Variants in COL23A1 observed in about 807,000 individuals in gnomAD.
COL23A1 encodes collagen type XXIII alpha 1 chain.
COL23A1 carries 97 observed loss-of-function variants against 99.3 expected under a neutral mutation model. That is an observed-to-expected ratio of 0.98 (90% confidence interval 0.83 to 1.16). The LOEUF (loss-of-function observed/expected upper bound fraction) is 1.16. Ranked by LOEUF, COL23A1 falls within the 50% of genes most tolerant of loss-of-function variation. The pLI is 0.00. For synonymous variants in COL23A1, 320 were observed against 308.2 expected, an observed-to-expected ratio of 1.04 and a Z score of -0.40; for missense variants, 762 against 757.4, an observed-to-expected ratio of 1.01 and a Z score of -0.07.
At chr5:178,334,015 C>T (rs1161872792) in intron 2 of COL23A1, among the ~76,000 whole-genome samples, 4 of 152,146 alleles carry the variant, frequency 2.6e-5, no homozygotes, top group Non-Finnish European at 5.9e-5. Context: ...TTTTCCCTTT[C>T]TCCACAGGGG....
intron 2 of COL23A1, among the ~76,000 whole-genome samples, chr5:178,543,939 C>T (rs1027769074): frequency 1.3e-5 from 2 of 152,092 alleles, no homozygotes; most frequent in Admixed American, 1.3e-4. Context: ...GATGCCTTCT[C>T]CCTATAACCT....
rs1256225080 is a variant in COL23A1, at chr5:178,306,944, T to G, written c.362-25A>C. The G allele has an allele frequency of 6.7e-7, 1 of 1,487,904 alleles. No homozygotes were observed. Among genetic ancestry groups the G allele is most frequent in the South Asian group, 1.4e-5 (1 of 73,888 alleles). 92.2% of individuals were successfully genotyped at this position (1,487,904 alleles called of 1,614,324 possible). A position where few individuals can be genotyped will look rare whatever the true frequency, so the allele number is the denominator to read the frequency against. ...CCTAGACAGGAAAACAAGAATGCATTCATTGAGAAGGGAAGCCAGTGGACT... is the reference window on the plus strand; with the variant it reads ...CCTAGACAGGAAAACAAGAATGCATGCATTGAGAAGGGAAGCCAGTGGACT... On this transcript the variant is annotated intron_variant, in intron 2 of 28. Coordinates refer to ENST00000390654, the MANE Select transcript of COL23A1 (RefSeq NM_173465.4). The surrounding 1 kb of genome is among the most constrained non-coding windows in gnomAD (Gnocchi z 4.1).
chr5:178,393,890 G>A (rs1764096599), intron 2 of COL23A1, among the ~76,000 whole-genome samples: 1 of 152,186 alleles, frequency 6.6e-6, no homozygotes, highest in South Asian at 2.1e-4. Flanking sequence ...GCCTCCCAAA[G>A]TGCTGGGATT....
At chr5:178,519,028 C>G (rs1759790743) in intron 2 of COL23A1, among the ~76,000 whole-genome samples, 4 of 151,004 alleles carry the variant, frequency 2.6e-5, no homozygotes, top group Admixed American at 2.6e-4. Flanking sequence ...CCGCACTGCC[C>G]CGGGCCGCAG....
intron 2 of COL23A1, among the ~76,000 whole-genome samples, chr5:178,511,882 A>G (rs1242466014): frequency 6.6e-6 from 1 of 152,166 alleles, no homozygotes. Flanking sequence ...CCACCTACCA[A>G]TTTGGCAAAA....
intron 15 of COL23A1, 77 bp downstream of exon 15, chr5:178,256,276 G>C: frequency 9.2e-7 from 1 of 1,091,364 alleles, no homozygotes; most frequent in East Asian, 2.7e-5. Flanking sequence ...TGGGGTCTCT[G>C]TGGGGACAGG....
chr5:178,473,773 G>A (rs1474228592), intron 2 of COL23A1, among the ~76,000 whole-genome samples: 3 of 151,980 alleles, frequency 2.0e-5, no homozygotes, highest in African/African-American at 4.8e-5. Context: ...TCACTGAGTG[G>A]GCCTCTCATG....
chr5:178,286,624 A>C (rs1217829744), intron 5 of COL23A1, among the ~76,000 whole-genome samples: 1 of 152,168 alleles, frequency 6.6e-6, no homozygotes, highest in East Asian at 1.9e-4. Flanking sequence ...AGCCACGCCC[A>C]GCTACTCCAT....
At chr5:178,256,596 G>A (rs1003092672) in intron 14 of COL23A1, among the ~76,000 whole-genome samples, 199 bp from the exon 15 acceptor site, 6 of 152,182 alleles carry the variant, frequency 3.9e-5, no homozygotes, top group Admixed American at 6.5e-5. Context: ...ACATCACTTC[G>A]TATAGAGATG....
chr5:178,381,959 T>C (rs567453367), intron 2 of COL23A1, among the ~76,000 whole-genome samples: 23 of 152,308 alleles, frequency 1.5e-4, no homozygotes, highest in African/African-American at 5.1e-4. Context: ...TTGGATCAAA[T>C]TGGCCTGTGC....
intron 2 of COL23A1, among the ~76,000 whole-genome samples, chr5:178,505,256 C>CTTT (rs34377422): frequency 6.8e-6 from 1 of 147,648 alleles, no homozygotes. Context: ...TTCCCTTTTT[C>CTTT]TTTTTTTTTT....
Position 178,267,305 on chromosome 5 carries a change from A to C in COL23A1, c.522+2T>G. 2 of 1,614,082 alleles carry C rather than the reference A, an allele frequency of 1.2e-6. No individual in the cohort carries two copies. Among genetic ancestry groups the C allele is most frequent in the East Asian group, 2.2e-5 (1 of 44,874 alleles). On this transcript the variant is annotated splice_donor_variant, in intron 8 of 28. Coordinates refer to ENST00000390654, the MANE Select transcript of COL23A1 (RefSeq NM_173465.4). LOFTEE classifies it high-confidence loss of function. The stretch of plus-strand genomic sequence containing the variant: ...GTGAGGGAGGTCATGCCTGGTTCTT[A>C]CCCGGGGGCCAAAGTCTCCTGGTGC...
chr5:178,288,535 A>C, intron 4 of COL23A1, 185 bp from the exon 5 acceptor site: 1 of 663,482 alleles, frequency 1.5e-6, no homozygotes, highest in Non-Finnish European at 2.8e-6. Flanking sequence ...CCTGCCTCAG[A>C]GGGCCAGGCT....
chr5:178,585,255 G>A (rs1489016027), intron 1 of COL23A1, among the ~76,000 whole-genome samples: 1 of 152,176 alleles, frequency 6.6e-6, no homozygotes, highest in African/African-American at 2.4e-5. Context: ...CCTCTGGGGT[G>A]ACAACAGAAA....
intron 2 of COL23A1, among the ~76,000 whole-genome samples, chr5:178,523,100 AG>A (rs1195442131): frequency 6.7e-6 from 1 of 149,836 alleles, no homozygotes; most frequent in Non-Finnish European, 1.5e-5. Flanking sequence ...CAGGAGTTCA[AG>A]ACCAGCCTGA....
At chr5:178,276,773 G>T (rs1756607655) in intron 5 of COL23A1, among the ~76,000 whole-genome samples, 1 of 152,238 alleles carries the variant, frequency 6.6e-6, no homozygotes, top group Admixed American at 6.5e-5. Context: ...GTTAGGTTCA[G>T]CCCAGCTGTT....
At chr5:178,328,176 G>C (rs1759800740) in intron 2 of COL23A1, among the ~76,000 whole-genome samples, 1 of 152,134 alleles carries the variant, frequency 6.6e-6, no homozygotes, top group Non-Finnish European at 1.5e-5. Flanking sequence ...CTCTGCCACG[G>C]CGAATGTCTG....
At chr5:178,347,995 A>G (rs907512769) in intron 2 of COL23A1, among the ~76,000 whole-genome samples, 3 of 151,854 alleles carry the variant, frequency 2.0e-5, no homozygotes, top group African/African-American at 7.3e-5. Context: ...AGAAACTTAG[A>G]GGAGTGGTCT....
chr5:178,527,142 G>A (rs1005721310), intron 2 of COL23A1, among the ~76,000 whole-genome samples: 1 of 152,140 alleles, frequency 6.6e-6, no homozygotes, highest in African/African-American at 2.4e-5. Context: ...CCAGATGGGT[G>A]TGGACAAGCA....
Sources: allele counts gnomAD v4.1 joint callset (sites outside exome capture counted in the v4.1 genomes callset), GRCh38; gene constraint gnomAD v4.1.1; non-coding constraint Gnocchi (gnomAD v3.1); transcripts MANE v1.5; gene names NCBI Gene and HGNC (gene_info 2026-07-23, HGNC 2026-07-21).